Variants in FBF1 observed in about 807,000 individuals in gnomAD.
FBF1 encodes fas-binding factor 1.
FBF1 carries 119 observed loss-of-function variants against 147.2 expected under a neutral mutation model. The ratio of observed to expected loss-of-function variants is 0.81; its 90% CI spans 0.70 to 0.94. The LOEUF (loss-of-function observed/expected upper bound fraction) is 0.94. FBF1 is among the 40% of genes least tolerant of loss of function. The pLI, the probability that FBF1 is intolerant of heterozygous loss-of-function variation, is 0.00. For synonymous variants in FBF1, 601 were observed against 609.0 expected (o/e 0.99, Z 0.19); for missense variants, 1,449 against 1,500.8 (o/e 0.97, Z 0.57).
rs368023879 is a variant in FBF1 at position 75,917,731 on chromosome 17, C to G, written c.2505+1G>C. ...AGGAGGGCCAGGAGGACGGGCCTCA[C>G]CTGCTCCAGCAGCCGGCTCTGCTCA... is the stretch of plus-strand genomic sequence containing the variant. On this transcript the variant is annotated splice_donor_variant, in intron 23 of 29. Transcript: ENST00000636174. LOFTEE classifies it high-confidence loss of function. 2.8e-4 allele frequency: 449 copies of G among 1,580,496 alleles called. No homozygotes were observed. Among genetic ancestry groups the G allele is most frequent in the Non-Finnish European group, 3.7e-4 (435 of 1,165,618 alleles).
chr17:75,933,001 C>T lies in FBF1; in HGVS notation c.161G>A (p.Arg54Lys). The change falls in exon 5 of 30, where the codon AGA becomes AAA. Residue 54 changes from arginine (R) to lysine (K), a missense_variant. By Grantham distance (26) the Arg-to-Lys change is conservative (BLOSUM62 2). Coordinates refer to ENST00000636174, the MANE Select transcript of FBF1 (RefSeq NM_001319193.2). Reference protein sequence around the residue: ...VSQMFPSSKARTKSLLGDDVF... With the variant: ...VSQMFPSSKAKTKSLLGDDVF... ...AGTCGGACCCTGCCCTTACTTTGTTCTCGCCTTTGAAGAAGGGAACATCTG... is the reference window on the plus strand; with the variant it reads ...AGTCGGACCCTGCCCTTACTTTGTTTTCGCCTTTGAAGAAGGGAACATCTG... The T allele has an allele frequency of 6.3e-7, 1 of 1,597,546 alleles. No homozygotes were observed. Among genetic ancestry groups the T allele is most frequent in the Non-Finnish European group, 8.6e-7 (1 of 1,167,302 alleles).
rs761229749 is a variant in FBF1 at position 75,923,248 on chromosome 17, C to G, written c.1362G>C (p.Gln454His). 6.9e-6 allele frequency: 11 copies of G among 1,590,722 alleles called. No homozygotes were observed. The highest frequency in any genetic ancestry group is 9.4e-6 in the Non-Finnish European group (11 of 1,169,156). ...RKKSQGLARE[Q>H]HAGTSEGLHL... ...GCAGGCCCTCAGAGGTCCCAGCATG[C>G]TGCTCTCTGGCCAGGCCTTGGGACT... The change falls in exon 14 of 30, where the codon CAG becomes CAC. Residue 454 changes from glutamine (Q) to histidine (H), a missense_variant. Coordinates refer to ENST00000636174, the MANE Select transcript of FBF1 (RefSeq NM_001319193.2). This position sits in a 1 kb window ranked among gnomAD's most constrained non-coding sequence, Gnocchi z 4.1.
In FBF1 at chr17:75,933,055, G is replaced by A; in HGVS notation, c.107C>T (p.Ser36Leu). 6.2e-7 allele frequency: 1 copy of A among 1,607,728 alleles called. No homozygotes were observed. Among genetic ancestry groups the A allele is most frequent in the Non-Finnish European group, 8.5e-7 (1 of 1,174,826 alleles). Reference protein sequence around the residue: ...TLPEKPVKLASHTRDTTGVSQ... With the variant: ...TLPEKPVKLALHTRDTTGVSQ... Reference sequence around the variant, plus strand: ...TACACCTGTGGTGTCTCTGGTATGTGAAGCTAGTTTAACAGGCTTCTCAGG... The same window carrying A: ...TACACCTGTGGTGTCTCTGGTATGTAAAGCTAGTTTAACAGGCTTCTCAGG... Residue 36 changes from serine to leucine, a missense_variant, in exon 5 of 30, where the codon TCA (serine) becomes TTA (leucine). Coordinates refer to ENST00000636174, the MANE Select transcript of FBF1 (RefSeq NM_001319193.2).
chr17:75,928,541 G>A lies in FBF1; in HGVS notation c.280-348C>T, dbSNP rs758120261. Among the ~76,000 whole-genome samples the A allele has an allele frequency of 4.6e-5, 7 of 152,158 alleles. No homozygotes were observed. The highest frequency in any genetic ancestry group is 4.2e-4 in the South Asian group (2 of 4,812). On this transcript the variant is annotated intron_variant, in intron 7 of 29. Coordinates refer to ENST00000636174, the MANE Select transcript of FBF1 (RefSeq NM_001319193.2). The surrounding 1 kb of genome is among the most constrained non-coding windows in gnomAD (Gnocchi z 4.2). ...TTTAGACAGGATATTGGCCGGGCGC[G>A]GTGGCTCATGCCTAGAATCCCAGCA...
intron 28 of FBF1, among the ~76,000 whole-genome samples, chr17:75,913,118 A>G (rs2065465281): frequency 6.6e-6 from 1 of 151,928 alleles, no homozygotes; most frequent in Non-Finnish European, 1.5e-5. Context: ...GGTTCTCTCA[A>G]GACTCAGGAG....
Position 75,921,516 on chromosome 17 carries a change from C to A in FBF1, c.1571G>T (p.Gly524Val), listed in dbSNP as rs372400153. The A allele has an allele frequency of 6.2e-7, 1 of 1,613,242 alleles. No individual in the cohort carries two copies. Among genetic ancestry groups the A allele is most frequent in the East Asian group, 2.2e-5 (1 of 44,864 alleles). The change falls in exon 16 of 30, where the codon GGT (glycine) becomes GTT (valine). Residue 524 changes from glycine (G) to valine (V), a missense_variant. Transcript: ENST00000636174. ...QNHAASALPTGSPKRGTAPGD... is the reference protein window; with the variant it reads ...QNHAASALPTVSPKRGTAPGD... ...AGGGGCTGTTCCCCTCTTTGGGGAA[C>A]CTGTAGGGAGTGCTGAGGCGGCATG... is the stretch of plus-strand genomic sequence containing the variant.
Position 75,921,390 on chromosome 17 carries a change from CAGGGACCCCAAAGGAAGCTCAA to C in FBF1, c.1615+60_1615+81del, listed in dbSNP as rs911617936. On this transcript the variant is annotated intron_variant, in intron 16 of 29. Coordinates refer to ENST00000636174, the MANE Select transcript of FBF1 (RefSeq NM_001319193.2). ...GGAGGGGCTGGTGTAACTCATGTCC[CAGGGACCCCAAAGGAAGCTCAA>C]AGCACCTCTTCCTCACCCAGGGTTA... The C allele has an allele frequency of 2.3e-4, 359 of 1,551,226 alleles. No individual in the cohort carries two copies. In the Middle Eastern group the frequency reaches 9.5e-3, roughly 41 times the overall value.
chr17:75,935,475 G>A (rs952878420), intron 4 of FBF1, among the ~76,000 whole-genome samples, 157 bp downstream of exon 4: 2 of 152,184 alleles, frequency 1.3e-5, no homozygotes, highest in Non-Finnish European at 2.9e-5. Flanking sequence ...AAAAAAGGCC[G>A]GGTGTAGTGG....
At chr17:75,917,899 G>C in intron 22 of FBF1, 32 bp downstream of exon 22, 1 of 1,587,898 alleles carries the variant, frequency 6.3e-7, no homozygotes, top group Non-Finnish European at 8.6e-7. Context: ...CTTCCCACCA[G>C]GAGCCGGGGT....
intron 29 of FBF1, 42 bp downstream of exon 29, chr17:75,912,150 G>A: frequency 6.5e-7 from 1 of 1,548,856 alleles, no homozygotes; most frequent in Non-Finnish European, 8.8e-7. Context: ...GAGCTGGAAG[G>A]ACTCGTGAAC....
At chr17:75,924,281 G>T (rs181998558) in intron 13 of FBF1, among the ~76,000 whole-genome samples, 1 of 152,136 alleles carries the variant, frequency 6.6e-6, no homozygotes, top group Non-Finnish European at 1.5e-5. Flanking sequence ...TCATTTGTTC[G>T]GCCGTGGCCT....
intron 5 of FBF1, 77 bp downstream of exon 5, chr17:75,932,918 A>G: frequency 1.1e-6 from 1 of 888,092 alleles, no homozygotes; most frequent in Non-Finnish European, 1.7e-6. Context: ...AATGTGAAGT[A>G]GAAAGTGGGG....
chr17:75,913,487 CCA>C (rs1307201437), intron 28 of FBF1: 2 of 471,824 alleles, frequency 4.2e-6, no homozygotes, highest in African/African-American at 4.0e-5. Context: ...TTTCCTGAGT[CCA>C]GAGTTACAAA....
Position 75,928,814 on chromosome 17 carries a change from A to G in FBF1, c.280-621T>C, listed in dbSNP as rs1641190880. ...CAGAGCAAGACTCCGTCTCAAAAAA[A>G]TAAAAATAAATTAAAAATAAAATAA... On this transcript the variant is annotated intron_variant, in intron 7 of 29. Transcript: ENST00000636174. This position sits in a 1 kb window ranked among gnomAD's most constrained non-coding sequence, Gnocchi z 4.2. 6.6e-6 allele frequency among the ~76,000 whole-genome samples: 1 copy of G among 152,064 alleles called. No individual in the cohort carries two copies. The highest frequency in any genetic ancestry group is 2.1e-4 in the South Asian group (1 of 4,814).
chr17:75,913,854 G>A lies in FBF1; in HGVS notation c.3130-35C>T, dbSNP rs1427355499. ...TTCCCCCAGAAAGAAGGACTCAGCT[G>A]TGAGGTGGGAGGCTGGGGGTGCCGG... On this transcript the variant is annotated intron_variant, in intron 27 of 29. Transcript: ENST00000636174. 5.1e-6 allele frequency: 8 copies of A among 1,576,490 alleles called. No homozygotes were observed. In the South Asian group the frequency reaches 8.1e-5, roughly 16 times the overall value.
chr17:75,923,224 C>A lies in FBF1; in HGVS notation c.1386G>T (p.Leu462=). 1 of 1,592,544 alleles carries A rather than the reference C, an allele frequency of 6.3e-7. No individual in the cohort carries two copies. Among genetic ancestry groups the A allele is most frequent in the Non-Finnish European group, 8.5e-7 (1 of 1,170,182 alleles). Residue 462 remains leucine (L), a synonymous_variant, in exon 14 of 30, where the codon CTG becomes CTT. Transcript: ENST00000636174. The surrounding 1 kb of genome is among the most constrained non-coding windows in gnomAD (Gnocchi z 4.1). ...GATGGCCCGCTGTCCCCGCCAAATG[C>A]AGGCCCTCAGAGGTCCCAGCATGCT... is the stretch of plus-strand genomic sequence containing the variant. ...REQHAGTSEG[L]HLAGTAGHPP...
chr17:75,925,233 C>T lies in FBF1; in HGVS notation c.968+114G>A. On this transcript the variant is annotated intron_variant, in intron 13 of 29. Transcript: ENST00000636174. This position sits in a 1 kb window ranked among gnomAD's most constrained non-coding sequence, Gnocchi z 5.0. ...CACCTGCAGAGCTGAGGGCCTTGTA[C>T]CCTGTGGCCTCCCACATGAGACTCT... is the stretch of plus-strand genomic sequence containing the variant. 1.3e-6 allele frequency: 1 copy of T among 742,850 alleles called. No individual in the cohort carries two copies. The highest frequency in any genetic ancestry group is 2.2e-6 in the Non-Finnish European group (1 of 460,840). The allele number at this position is 742,850 out of a possible 1,614,324, so 46.0% of individuals were successfully genotyped here. A position where few individuals can be genotyped will look rare whatever the true frequency, so the allele number is the denominator to read the frequency against.
Position 75,910,595 on chromosome 17 carries a change from G to T in FBF1, c.*128C>A. ...AAGGATGCACTTGCACCCTGTCCAC[G>T]GAAGAGCTGTCATCAGGCCTCAAGC... On this transcript the variant is annotated 3_prime_UTR_variant, in exon 30 of 30. Coordinates refer to ENST00000636174, the MANE Select transcript of FBF1 (RefSeq NM_001319193.2). This position sits in a 1 kb window ranked among gnomAD's most constrained non-coding sequence, Gnocchi z 4.1. 1.3e-6 allele frequency: 1 copy of T among 788,042 alleles called. No homozygotes were observed. Among genetic ancestry groups the T allele is most frequent in the Non-Finnish European group, 2.0e-6 (1 of 487,840 alleles). 48.8% of individuals were successfully genotyped at this position (788,042 alleles called of 1,614,324 possible).
chr17:75,909,701 A>C lies in FBF1; in HGVS notation c.*1022T>G. The C allele has an allele frequency of 1.7e-6, 1 of 576,800 alleles. No individual in the cohort carries two copies. The highest frequency in any genetic ancestry group is 3.1e-6 in the Non-Finnish European group (1 of 322,626). 35.7% of individuals were successfully genotyped at this position (576,800 alleles called of 1,614,324 possible). On this transcript the variant is annotated 3_prime_UTR_variant, in exon 30 of 30. Coordinates refer to ENST00000636174, the MANE Select transcript of FBF1 (RefSeq NM_001319193.2). ...TGCCACCGCAGACCGCAGGTGCTGG[A>C]GGGGAGAGGCACGTGGCCAGAGGCG...
Sources: gnomAD v4.1 joint callset for allele counts (sites outside exome capture counted in the v4.1 genomes callset) on GRCh38, gnomAD v4.1.1 for gene constraint, Gnocchi (gnomAD v3.1) non-coding constraint, MANE v1.5 for transcripts, NCBI Gene and HGNC (gene_info 2026-07-23, HGNC 2026-07-21) for gene names.